The following GPBP1 variants were observed in gnomAD, a reference collection of about 807,000 sequenced individuals.
GPBP1 encodes the protein vasculin.
Under a neutral mutation model 56.5 loss-of-function variants are expected in GPBP1, and 13 were observed. The observed-to-expected ratio is 0.23, with a 90% CI of 0.15 to 0.37. The LOEUF (loss-of-function observed/expected upper bound fraction) is 0.37. GPBP1 is among the 10% of genes least tolerant of loss of function. GPBP1 has a pLI of 1.00. For missense variants in GPBP1, 477 were observed against 572.3 expected (o/e 0.83, Z 1.70); for synonymous variants, 204 against 188.9 (o/e 1.08, Z -0.66).
intron 2 of GPBP1, among the ~76,000 whole-genome samples, chr5:57,184,482 G>C (rs1754200080): frequency 6.6e-6 from 1 of 152,008 alleles, no homozygotes; most frequent in Non-Finnish European, 1.5e-5. Context: ...GAGCAAGAGT[G>C]AGGTGAGGGG....
chr5:57,204,619 A>G (rs746212872), intron 2 of GPBP1, among the ~76,000 whole-genome samples: 1 of 152,136 alleles, frequency 6.6e-6, no homozygotes, highest in Non-Finnish European at 1.5e-5. Context: ...TGGGTCAGTT[A>G]TGTTAGTGTC....
At chr5:57,222,402 G>GT (rs1159652197) in intron 3 of GPBP1, among the ~76,000 whole-genome samples, 3 of 151,938 alleles carry the variant, frequency 2.0e-5, no homozygotes, top group South Asian at 2.1e-4. Flanking sequence ...AGTTTAATAA[G>GT]TTTTTTTTCT....
intron 2 of GPBP1, among the ~76,000 whole-genome samples, chr5:57,198,171 G>A (rs1047356798): frequency 1.3e-5 from 2 of 152,086 alleles, no homozygotes; most frequent in African/African-American, 4.8e-5. Flanking sequence ...CAGTTTTGCA[G>A]TCCTAAATCA....
chr5:57,219,910 G>T (rs1755879081), intron 3 of GPBP1, among the ~76,000 whole-genome samples: 1 of 151,900 alleles, frequency 6.6e-6, no homozygotes. Context: ...AAACTAGCTG[G>T]GCTTGGTGGC....
At chr5:57,200,386 G>A (rs1407239575) in intron 2 of GPBP1, among the ~76,000 whole-genome samples, 1 of 39,210 alleles carries the variant, frequency 2.6e-5, no homozygotes, top group Non-Finnish European at 5.1e-5. Context: ...TTTTTTTTTT[G>A]AGATGGAGTA....
rs1054063013 is a variant in GPBP1, at chr5:57,264,379, C to G, written c.*1627C>G. 6.6e-6 allele frequency: 1 copy of G among 152,112 alleles called. No individual in the cohort carries two copies. The highest frequency in any genetic ancestry group is 1.5e-5 in the Non-Finnish European group (1 of 68,004). 9.4% of individuals were successfully genotyped at this position (152,112 alleles called of 1,614,324 possible). On this transcript the variant is annotated 3_prime_UTR_variant, in exon 12 of 12. Coordinates refer to ENST00000506184, the MANE Select transcript of GPBP1 (RefSeq NM_022913.4). The stretch of plus-strand genomic sequence containing the variant: ...ACACATATTGAATGTCTTTGAGACT[C>G]TTAGATTGTACTATTTGCTTAATAG...
At position 57,191,001 on chromosome 5, in the gene GPBP1, C is replaced by G. The variant is rs538961025; in HGVS notation, c.-58+14601C>G. Among the ~76,000 whole-genome samples the G allele has an allele frequency of 7.2e-5, 11 of 152,206 alleles. 1 individual carries two copies. ...TAGGCAAAACATATTGTCTTGAACT[C>G]TGGGGTTCAAGTGATCTGCCCGCCT... On this transcript the variant is annotated intron_variant, in intron 2 of 11. Transcript: ENST00000506184.
chr5:57,203,151 T>C (rs1168188854), intron 2 of GPBP1, among the ~76,000 whole-genome samples: 4 of 152,226 alleles, frequency 2.6e-5, no homozygotes, highest in Non-Finnish European at 4.4e-5. Context: ...AAATTGAGAA[T>C]TAAAAACATT....
chr5:57,249,357 G>C, intron 8 of GPBP1, 52 bp from the exon 9 acceptor site: 1 of 1,385,146 alleles, frequency 7.2e-7, no homozygotes, highest in South Asian at 1.4e-5. Context: ...ATTTTATGTT[G>C]ACATTGATTC....
intron 6 of GPBP1, chr5:57,237,190 T>C: frequency 6.6e-7 from 1 of 1,514,162 alleles, no homozygotes; most frequent in Non-Finnish European, 9.0e-7. Context: ...TCCTTATTAT[T>C]CAGTTTTTCT....
At chr5:57,223,029 A>G (rs1040925043) in intron 3 of GPBP1, among the ~76,000 whole-genome samples, 1 of 152,074 alleles carries the variant, frequency 6.6e-6, no homozygotes, top group Non-Finnish European at 1.5e-5. Flanking sequence ...ATGTTTGACT[A>G]TATTTTTTAT....
At chr5:57,250,921 T>C in intron 9 of GPBP1, 33 bp from the exon 10 acceptor site, 1 of 1,307,780 alleles carries the variant, frequency 7.6e-7, no homozygotes, top group Non-Finnish European at 1.0e-6. Flanking sequence ...TAGAACTCAT[T>C]CTTTTTTTTT....
chr5:57,230,937 G>A lies in GPBP1; in HGVS notation c.155G>A (p.Gly52Asp), dbSNP rs1756428301. ...CGTCGACGACACAACTCTTCAGATG[G>A]CTTTGATTCTGCTATTGGGCGTCCT... Reference protein sequence around the residue: ...VNRRRHNSSDGFDSAIGRPNG... With the variant: ...VNRRRHNSSDDFDSAIGRPNG... Residue 52 changes from glycine (G) to aspartate (D), a missense_variant, in exon 4 of 12, where the codon GGC (glycine) becomes GAC (aspartate). This residue lies in a region of GPBP1 where 414 missense variants were observed against 458.2 expected (regional missense o/e 0.90). Coordinates refer to ENST00000506184, the MANE Select transcript of GPBP1 (RefSeq NM_022913.4). 1 of 1,611,592 alleles carries A rather than the reference G, an allele frequency of 6.2e-7. No homozygotes were observed. Among genetic ancestry groups the A allele is most frequent in the Admixed American group, 1.7e-5 (1 of 59,698 alleles).
chr5:57,219,612 T>C (rs1221255971), intron 3 of GPBP1, among the ~76,000 whole-genome samples: 1 of 152,100 alleles, frequency 6.6e-6, no homozygotes, highest in Non-Finnish European at 1.5e-5. Context: ...CTGCTCTTGT[T>C]TGTCTTTTAA....
At chr5:57,222,737 G>C (rs532798645) in intron 3 of GPBP1, among the ~76,000 whole-genome samples, 2 of 152,066 alleles carry the variant, frequency 1.3e-5, no homozygotes, top group Non-Finnish European at 1.5e-5. Context: ...TGAATCAGAA[G>C]GTTTGTACAT....
chr5:57,197,906 G>C (rs1754837066), intron 2 of GPBP1, among the ~76,000 whole-genome samples: 1 of 151,992 alleles, frequency 6.6e-6, no homozygotes, highest in South Asian at 2.1e-4. Flanking sequence ...AAAGTTGTTT[G>C]AGAGTTAGGT....
At chr5:57,202,177 G>T (rs997375555) in intron 2 of GPBP1, among the ~76,000 whole-genome samples, 2 of 152,058 alleles carry the variant, frequency 1.3e-5, no homozygotes, top group African/African-American at 2.4e-5. Context: ...TAGAGGCGAG[G>T]TTTCACCATG....
intron 2 of GPBP1, among the ~76,000 whole-genome samples, chr5:57,212,093 T>C (rs537086268): frequency 4.6e-5 from 7 of 152,076 alleles, no homozygotes; most frequent in African/African-American, 1.7e-4. Flanking sequence ...CCCACCACCG[T>C]GCCCTGCTAA....
rs141076340 is a variant in GPBP1 at position 57,211,251 on chromosome 5, G to A, written c.-57-2823G>A. The stretch of plus-strand genomic sequence containing the variant: ...GTCACCTGGGCTGGAGTACAGTGGC[G>A]TCATAGCTCACTGCAGCCTCAAACT... On this transcript the variant is annotated intron_variant, in intron 2 of 11. Coordinates refer to ENST00000506184, the MANE Select transcript of GPBP1 (RefSeq NM_022913.4). Among the ~76,000 whole-genome samples, 481 of 151,714 alleles carry A rather than the reference G, an allele frequency of 3.2e-3. 4 individuals carry two copies. The highest frequency in any genetic ancestry group is 0.011 in the African/African-American group (457 of 41,324).
Sources: gnomAD v4.1 joint callset for allele counts (sites outside exome capture counted in the v4.1 genomes callset) on GRCh38, gnomAD v4.1.1 for gene constraint, gnomAD v4.1.1 regional missense constraint, MANE v1.5 for transcripts, NCBI Gene and HGNC (gene_info 2026-07-23, HGNC 2026-07-21) for gene names.